IL1RAPL1: variants seen among roughly 807,000 people sequenced by gnomAD.
IL1RAPL1 encodes the protein interleukin 1 receptor accessory protein like 1.
Under a neutral mutation model 48.4 loss-of-function variants are expected in IL1RAPL1, and 3 were observed. That is an observed-to-expected ratio of 0.06 (90% CI 0.03 to 0.16). The LOEUF (loss-of-function observed/expected upper bound fraction) is 0.16, where lower values mean the gene tolerates loss of function less well. IL1RAPL1 is among the 10% of genes least tolerant of loss of function. The pLI, the probability that IL1RAPL1 is intolerant of heterozygous loss-of-function variation, is 1.00. For missense variants in IL1RAPL1, 349 were observed against 530.6 expected (o/e 0.66, Z 3.36); for synonymous variants, 185 against 187.7 (o/e 0.99, Z 0.12).
At chrX:29,630,854 T>C (rs1435254393) in intron 5 of IL1RAPL1, among the ~76,000 whole-genome samples, 4 of 112,678 alleles carry the variant, frequency 3.5e-5, no homozygotes, top group Non-Finnish European at 7.5e-5. Flanking sequence ...AGACATTATT[T>C]AAATGGATAC....
intron 6 of IL1RAPL1, among the ~76,000 whole-genome samples, chrX:29,786,172 G>A (rs1376116613): frequency 9.0e-6 from 1 of 111,100 alleles, no homozygotes; most frequent in Non-Finnish European, 1.9e-5. Flanking sequence ...TGATGAGCCA[G>A]ACTGTTCCAG....
chrX:29,802,997 G>A lies in IL1RAPL1; in HGVS notation c.779-114467G>A, dbSNP rs1930031325. On this transcript the variant is annotated intron_variant, in intron 6 of 10. Coordinates refer to ENST00000378993, the MANE Select transcript of IL1RAPL1 (RefSeq NM_014271.4). ...TATACATACATGTGTACATATATAT[G>A]TATGCATATATACATATGTGTACAT... 1.2e-4 allele frequency among the ~76,000 whole-genome samples: 5 copies of A among 42,103 alleles called. 1 individual carries two copies. Among genetic ancestry groups the A allele is most frequent in the African/African-American group, 5.5e-4 (5 of 9,126 alleles). The allele number at this position is 42,103 out of a possible 115,157, so 36.6% of individuals were successfully genotyped here. A position where few individuals can be genotyped will look rare whatever the true frequency, so the allele number is the denominator to read the frequency against.
At chrX:29,110,540 T>A (rs1466268287) in intron 2 of IL1RAPL1, among the ~76,000 whole-genome samples, 1 of 111,702 alleles carries the variant, frequency 9.0e-6, no homozygotes, top group Non-Finnish European at 1.9e-5. Context: ...TAAGGTGGTT[T>A]CGAGACGTTT....
In IL1RAPL1 at chrX:29,647,075, C is replaced by T. The variant is rs745968029; in HGVS notation, c.704-21355C>T. Among the ~76,000 whole-genome samples the T allele has an allele frequency of 3.1e-3, 350 of 112,478 alleles. 1 individual carries two copies. The highest frequency in any genetic ancestry group is 0.011 in the African/African-American group (335 of 31,008). The stretch of plus-strand genomic sequence containing the variant: ...CAAATTAAGAATACTCTAGGCCGAG[C>T]GTGGTGGCTCACACCTGTAATCCCA... On this transcript the variant is annotated intron_variant, in intron 5 of 10. Transcript: ENST00000378993.
At chrX:29,283,516 G>A (rs1327370452) in intron 3 of IL1RAPL1, among the ~76,000 whole-genome samples, 1 of 112,340 alleles carries the variant, frequency 8.9e-6, no homozygotes, top group Non-Finnish European at 1.9e-5. Context: ...TAAAATGTAA[G>A]CAAAGACTTG....
intron 6 of IL1RAPL1, among the ~76,000 whole-genome samples, chrX:29,865,145 G>A (rs1162023435): frequency 3.6e-5 from 4 of 111,773 alleles, no homozygotes; most frequent in African/African-American, 1.3e-4. Flanking sequence ...GATGTCACAG[G>A]AAACCAAGCA....
intron 5 of IL1RAPL1, among the ~76,000 whole-genome samples, chrX:29,566,448 C>T (rs1349778250): frequency 1.8e-5 from 2 of 110,662 alleles, no homozygotes; most frequent in East Asian, 5.7e-4. Flanking sequence ...AAAATTAAAA[C>T]ACAAAATAAC....
chrX:29,004,017 C>T (rs1925918500), intron 2 of IL1RAPL1, among the ~76,000 whole-genome samples: 1 of 110,812 alleles, frequency 9.0e-6, no homozygotes, highest in Non-Finnish European at 1.9e-5. Flanking sequence ...TGGTGTGTAC[C>T]TGTCGTCCCA....
At chrX:29,577,802 T>A (rs16988690) in intron 5 of IL1RAPL1, among the ~76,000 whole-genome samples, 1 of 111,979 alleles carries the variant, frequency 8.9e-6, no homozygotes, top group African/African-American at 3.3e-5. Flanking sequence ...TAACCTGATA[T>A]GATTTTTTAT....
At chrX:29,240,359 C>T (rs1201407032) in intron 2 of IL1RAPL1, among the ~76,000 whole-genome samples, 1 of 102,662 alleles carries the variant, frequency 9.7e-6, no homozygotes, top group Non-Finnish European at 2.0e-5. Flanking sequence ...CTCAGCCTCC[C>T]TAGTAGCTGG....
At chrX:29,717,131 A>G (rs2147123499) in intron 6 of IL1RAPL1, among the ~76,000 whole-genome samples, 1 of 110,012 alleles carries the variant, frequency 9.1e-6, no homozygotes, top group Non-Finnish European at 1.9e-5. Context: ...AAGTAACTTC[A>G]TACCTACTGA....
At chrX:29,073,948 T>G (rs1436108211) in intron 2 of IL1RAPL1, among the ~76,000 whole-genome samples, 1 of 111,618 alleles carries the variant, frequency 9.0e-6, no homozygotes, top group Non-Finnish European at 1.9e-5. Context: ...GTTTCAGTTT[T>G]AAGTTCCTCA....
intron 8 of IL1RAPL1, among the ~76,000 whole-genome samples, chrX:29,932,245 C>T (rs936667274): frequency 4.5e-5 from 5 of 111,960 alleles, no homozygotes; most frequent in African/African-American, 1.6e-4. Flanking sequence ...CAAACACTGC[C>T]TTTATAATCT....
At chrX:29,392,014 G>C (rs1167950030) in intron 3 of IL1RAPL1, among the ~76,000 whole-genome samples, 1 of 111,797 alleles carries the variant, frequency 8.9e-6, no homozygotes, top group Admixed American at 9.5e-5. Flanking sequence ...TGGACCTCAC[G>C]GTCACCCTTG....
intron 6 of IL1RAPL1, among the ~76,000 whole-genome samples, chrX:29,862,093 A>C (rs940657944): frequency 2.8e-5 from 3 of 108,755 alleles, no homozygotes; most frequent in African/African-American, 1.0e-4. Flanking sequence ...CATGAAGTTG[A>C]GGCTGCAGTG....
chrX:28,869,795 G>A (rs5943567), intron 2 of IL1RAPL1, among the ~76,000 whole-genome samples: 2,709 of 111,346 alleles, frequency 0.024, 46 homozygotes, highest in Non-Finnish European at 0.041. Flanking sequence ...TGCAGCCATC[G>A]TCACAGCCAA....
chrX:29,766,945 A>G (rs1928930308), intron 6 of IL1RAPL1, among the ~76,000 whole-genome samples: 1 of 109,292 alleles, frequency 9.1e-6, no homozygotes, highest in Non-Finnish European at 1.9e-5. Flanking sequence ...TATCCCATCC[A>G]GGAAATTTAT....
intron 6 of IL1RAPL1, among the ~76,000 whole-genome samples, chrX:29,819,111 C>T (rs142820492): frequency 0.017 from 1,897 of 111,634 alleles, 13 homozygotes; most frequent in Non-Finnish European, 0.028. Context: ...TGTAAACTGA[C>T]CTTTAAATTG....
chrX:29,140,851 C>T (rs977557199), intron 2 of IL1RAPL1, among the ~76,000 whole-genome samples: 3 of 110,875 alleles, frequency 2.7e-5, no homozygotes, highest in African/African-American at 6.6e-5. Context: ...GAAGGTGTAG[C>T]CTTTATGACC....
Sources: allele counts gnomAD v4.1 joint callset (sites outside exome capture counted in the v4.1 genomes callset), GRCh38; gene constraint gnomAD v4.1.1; transcripts MANE v1.5; gene names NCBI Gene and HGNC (gene_info 2026-07-23, HGNC 2026-07-21).